The following PIK3C2A variants were observed in gnomAD, a reference collection of about 807,000 sequenced individuals.
PIK3C2A encodes phosphatidylinositol 4-phosphate 3-kinase C2 domain-containing subunit alpha.
PIK3C2A carries 97 observed loss-of-function variants against 204.5 expected under a neutral mutation model. That is an observed-to-expected ratio of 0.47 (90% CI 0.40 to 0.56). The LOEUF (loss-of-function observed/expected upper bound fraction) is 0.56. PIK3C2A is among the 20% of genes least tolerant of loss of function. The pLI is 0.00. For synonymous variants in PIK3C2A, 653 were observed against 664.4 expected, an observed-to-expected ratio of 0.98 and a Z score of 0.26; for missense variants, 1,735 against 1,969.2, an observed-to-expected ratio of 0.88 and a Z score of 2.25.
At chr11:17,173,842 G>C (rs927798451) in intron 1 of PIK3C2A, among the ~76,000 whole-genome samples, 3 of 152,148 alleles carry the variant, frequency 2.0e-5, no homozygotes, top group Admixed American at 2.0e-4. Flanking sequence ...TCATTCTGTT[G>C]CTCAGACTGG....
At chr11:17,137,700 C>T (rs955339962) in intron 8 of PIK3C2A, among the ~76,000 whole-genome samples, 8 of 152,224 alleles carry the variant, frequency 5.3e-5, no homozygotes, top group African/African-American at 1.9e-4. Flanking sequence ...TGAGCCACTG[C>T]GCCTGGCCTA....
chr11:17,169,191 G>C lies in PIK3C2A; in HGVS notation c.551C>G (p.Pro184Arg), dbSNP rs768933796. 22 of 1,613,860 alleles carry C rather than the reference G, an allele frequency of 1.4e-5. No individual in the cohort carries two copies. The highest frequency in any genetic ancestry group is 1.0e-4 in the Admixed American group (6 of 59,982). ...PRMPTFPSTE[P>R]IYLSLPGQSP... ...TTGTCCCGGAAGACTTAAATATATA[G>C]GTTCTGTAGATGGAAAAGTGGGCAT... Residue 184 changes from proline to arginine, a missense_variant, in exon 2 of 33, where the codon CCT becomes CGT. Pro to Arg is a moderately radical substitution (Grantham distance 103). Around this residue, in one of 6 missense-constraint regions of PIK3C2A, gnomAD observed 536 missense variants for 546.7 expected, o/e 0.98. Coordinates refer to ENST00000691414, the MANE Select transcript of PIK3C2A (RefSeq NM_002645.4).
In PIK3C2A at chr11:17,206,338, C is replaced by A. The variant is rs1294173652; in HGVS notation, c.-66+1510G>T. Among the ~76,000 whole-genome samples, 3 of 152,198 alleles carry A rather than the reference C, an allele frequency of 2.0e-5. No homozygotes were observed. The East Asian group carries it at 5.8e-4, about 29-fold the overall frequency. ...CACTTTTGAACTAAATCTGAGTTAA[C>A]AAATAAAATCTCTCTATTCCCAGTT... On this transcript the variant is annotated intron_variant, in intron 1 of 32. Transcript: ENST00000691414.
At chr11:17,193,822 GCAA>G (rs1318007102) in intron 1 of PIK3C2A, 1 of 164,798 alleles carries the variant, frequency 6.1e-6, no homozygotes, top group African/African-American at 2.9e-5. Flanking sequence ...CTCCAGCCTG[GCAA>G]CAGAGCGAGA....
intron 6 of PIK3C2A, 49 bp from the exon 7 acceptor site, chr11:17,145,991 T>C (rs765697959): frequency 1.0e-5 from 14 of 1,355,568 alleles, no homozygotes; most frequent in Non-Finnish European, 1.5e-5. Context: ...CTTTGGTCTT[T>C]CTATTGTCAA....
At chr11:17,146,008 T>C in intron 6 of PIK3C2A, 66 bp from the exon 7 acceptor site, 2 of 1,132,466 alleles carry the variant, frequency 1.8e-6, no homozygotes, top group South Asian at 1.3e-5. Context: ...TCAAATTAAA[T>C]ATAGTTAAGT....
Position 17,089,495 on chromosome 11 carries a change from G to A in PIK3C2A, c.*243C>T. 2.4e-6 allele frequency: 1 copy of A among 408,856 alleles called. No individual in the cohort carries two copies. The highest frequency in any genetic ancestry group is 4.0e-5 in the East Asian group (1 of 25,186). 25.3% of individuals were successfully genotyped at this position (408,856 alleles called of 1,614,324 possible). A position where few individuals can be genotyped will look rare whatever the true frequency, so the allele number is the denominator to read the frequency against. On this transcript the variant is annotated 3_prime_UTR_variant, in exon 33 of 33. Transcript: ENST00000691414. ...GTATATATTAAGTTTAGGGTTTGTA[G>A]CATTCTACATAATGACTTTAAAACA...
intron 15 of PIK3C2A, among the ~76,000 whole-genome samples, chr11:17,121,091 C>T (rs560718964): frequency 6.6e-6 from 1 of 152,198 alleles, no homozygotes; most frequent in Non-Finnish European, 1.5e-5. Context: ...TATTGATGGA[C>T]ATTTCCAATC....
At chr11:17,102,933 G>T in intron 23 of PIK3C2A, 102 bp from the exon 24 acceptor site, 1 of 701,136 alleles carries the variant, frequency 1.4e-6, no homozygotes, top group Non-Finnish European at 2.3e-6. Flanking sequence ...AAACACTATT[G>T]TAATCCACTC....
intron 21 of PIK3C2A, among the ~76,000 whole-genome samples, chr11:17,110,804 T>C (rs1848978443): frequency 6.6e-6 from 1 of 152,172 alleles, no homozygotes; most frequent in Non-Finnish European, 1.5e-5. Flanking sequence ...TTCTGCAGCA[T>C]TCTAGGGAAA....
rs770740249 is a variant in PIK3C2A at position 17,087,568 on chromosome 11, A to G, written c.*2170T>C. On this transcript the variant is annotated 3_prime_UTR_variant, in exon 33 of 33. Coordinates refer to ENST00000691414, the MANE Select transcript of PIK3C2A (RefSeq NM_002645.4). Reference sequence around the variant, plus strand: ...ATTATTTGTGCTAAAAGACACTGTCATAATAGACTGCAAAAAGGCAGTACA... The same window carrying G: ...ATTATTTGTGCTAAAAGACACTGTCGTAATAGACTGCAAAAAGGCAGTACA... 11 of 152,226 alleles carry G rather than the reference A, an allele frequency of 7.2e-5. No homozygotes were observed. Among genetic ancestry groups the G allele is most frequent in the Non-Finnish European group, 1.3e-4 (9 of 68,030 alleles). 9.4% of individuals were successfully genotyped at this position (152,226 alleles called of 1,614,324 possible). A position where few individuals can be genotyped will look rare whatever the true frequency, so the allele number is the denominator to read the frequency against.
At chr11:17,181,276 T>C (rs1172178356) in intron 1 of PIK3C2A, among the ~76,000 whole-genome samples, 1 of 152,032 alleles carries the variant, frequency 6.6e-6, no homozygotes, top group Admixed American at 6.6e-5. Context: ...CCTCTAATCA[T>C]GTTTTGGTCT....
chr11:17,116,349 T>G (rs1339016441), intron 19 of PIK3C2A, among the ~76,000 whole-genome samples: 4 of 152,238 alleles, frequency 2.6e-5, no homozygotes, highest in African/African-American at 9.6e-5. Context: ...AGATACTGCT[T>G]CACACCCACT....
intron 13 of PIK3C2A, among the ~76,000 whole-genome samples, chr11:17,123,318 G>A (rs1410311823): frequency 1.3e-5 from 2 of 151,996 alleles, no homozygotes; most frequent in Admixed American, 1.3e-4. Context: ...CACAACTATG[G>A]CTAAGTGCAG....
chr11:17,126,980 TTAATGA>T (rs1361762008), intron 13 of PIK3C2A, among the ~76,000 whole-genome samples: 1 of 152,206 alleles, frequency 6.6e-6, no homozygotes, highest in East Asian at 1.9e-4. Context: ...TTTATAAAAA[TTAATGA>T]TAATGATGAA....
Position 17,187,582 on chromosome 11 carries a change from T to A in PIK3C2A, c.-65-17776A>T, listed in dbSNP as rs140663885. ...ATTTCCCCTAATATTAGTGATTTTTTAAAAAGACAGTTTTGGAGAAGTATG... is the reference window on the plus strand; with the variant it reads ...ATTTCCCCTAATATTAGTGATTTTTAAAAAAGACAGTTTTGGAGAAGTATG... On this transcript the variant is annotated intron_variant, in intron 1 of 32. Transcript: ENST00000691414. Among the ~76,000 whole-genome samples the A allele has an allele frequency of 7.1e-3, 1,076 of 152,212 alleles. 22 individuals are homozygous for A. The highest frequency in any genetic ancestry group is 0.025 in the African/African-American group (1,027 of 41,516).
intron 9 of PIK3C2A, 142 bp from the exon 10 acceptor site, chr11:17,135,301 CA>C (rs1590947800): frequency 3.7e-6 from 3 of 803,582 alleles, no homozygotes; most frequent in East Asian, 2.5e-5. Context: ...ATAAATAATG[CA>C]AAAAGAAAGG....
intron 12 of PIK3C2A, among the ~76,000 whole-genome samples, chr11:17,129,875 C>A (rs1220692967): frequency 1.3e-5 from 2 of 152,228 alleles, no homozygotes; most frequent in African/African-American, 4.8e-5. Flanking sequence ...GCGTGAGCCA[C>A]CACGCCAGCC....
At chr11:17,129,914 T>A (rs1425060108) in intron 12 of PIK3C2A, among the ~76,000 whole-genome samples, 2 of 152,208 alleles carry the variant, frequency 1.3e-5, no homozygotes, top group African/African-American at 4.8e-5. Flanking sequence ...TGAGTAACCT[T>A]TAGCTAAATA....
Sources: gnomAD v4.1 joint callset for allele counts (sites outside exome capture counted in the v4.1 genomes callset) on GRCh38, gnomAD v4.1.1 for gene constraint, gnomAD v4.1.1 regional missense constraint, MANE v1.5 for transcripts, NCBI Gene and HGNC (gene_info 2026-07-23, HGNC 2026-07-21) for gene names.